Variants in FUCA1 observed in about 807,000 individuals in gnomAD.
FUCA1 encodes the protein alpha-L-fucosidase 1.
In FUCA1, 52 loss-of-function variants were observed where a neutral mutation model predicts 56.8. The observed-to-expected ratio is 0.92, with a 90% CI of 0.73 to 1.15. The LOEUF (loss-of-function observed/expected upper bound fraction) is 1.15, where lower values mean the gene tolerates loss of function less well. Among genes scored for constraint, FUCA1 ranks in the 50% most tolerant of loss-of-function variants. FUCA1 has a pLI of 0.00. For missense variants in FUCA1, 568 were observed against 592.6 expected (o/e 0.96, Z 0.43); for synonymous variants, 230 against 226.6 (o/e 1.02, Z -0.14).
At chr1:23,865,656 A>C in intron 1 of FUCA1, 31 bp from the exon 2 acceptor site, 1 of 1,614,180 alleles carries the variant, frequency 6.2e-7, no homozygotes. Context: ...TGAGCAAAGG[A>C]AGTGGGCAGT....
At chr1:23,865,749 G>C in intron 1 of FUCA1, 124 bp from the exon 2 acceptor site, 2 of 1,071,056 alleles carry the variant, frequency 1.9e-6, no homozygotes, top group Non-Finnish European at 2.9e-6. Flanking sequence ...ACTTGTACCA[G>C]TGACTATATT....
intron 1 of FUCA1, 152 bp from the exon 2 acceptor site, chr1:23,865,777 T>C: frequency 1.1e-6 from 1 of 902,700 alleles, no homozygotes; most frequent in Non-Finnish European, 1.8e-6. Flanking sequence ...TCCAGGAAGC[T>C]GCTGCAGTCA....
intron 5 of FUCA1, among the ~76,000 whole-genome samples, chr1:23,853,282 G>A (rs1464827454): frequency 1.3e-5 from 2 of 151,484 alleles, no homozygotes; most frequent in Admixed American, 6.6e-5. Context: ...CCGCCCGGCA[G>A]CCACCCCGTC....
In FUCA1 at chr1:23,867,148, G is replaced by A. The variant is rs1425776943; in HGVS notation, c.389+750C>T. On this transcript the variant is annotated intron_variant, in intron 1 of 7. Coordinates refer to ENST00000374479, the MANE Select transcript of FUCA1 (RefSeq NM_000147.5). The surrounding 1 kb of genome is among the most constrained non-coding windows in gnomAD (Gnocchi z 4.9). ...GAATGAATCTTTCTAGAAGCTGATA[G>A]TAACCACTCCCTGACTTAACATCTG... is the stretch of plus-strand genomic sequence containing the variant. Among the ~76,000 whole-genome samples the A allele has an allele frequency of 6.6e-6, 1 of 152,142 alleles. No individual in the cohort carries two copies. The highest frequency in any genetic ancestry group is 1.9e-4 in the East Asian group (1 of 5,192).
chr1:23,860,651 T>TG, intron 3 of FUCA1, among the ~76,000 whole-genome samples: 1 of 151,570 alleles, frequency 6.6e-6, no homozygotes, highest in South Asian at 2.1e-4. Context: ...TTCTTCCTTT[T>TG]TTTTTTTGAG....
At position 23,868,252 on chromosome 1, in the gene FUCA1, C is replaced by A. The variant is rs1639667884; in HGVS notation, c.35G>T (p.Gly12Val). The change falls in exon 1 of 8, where the codon GGT becomes GTT. Residue 12 changes from glycine (G) to valine (V), a missense_variant. Gly to Val is a moderately radical substitution (Grantham distance 109). Coordinates refer to ENST00000374479, the MANE Select transcript of FUCA1 (RefSeq NM_000147.5). ...RAPGMRSRPA[G>V]PALLLLLLFL... ...GAGCAGCAGCAGCAACAGCGCGGGA[C>A]CCGCCGGCCGCGACCTCATCCCCGG... 2 of 1,559,286 alleles carry A rather than the reference C, an allele frequency of 1.3e-6. No individual in the cohort carries two copies. The highest frequency in any genetic ancestry group is 1.7e-6 in the Non-Finnish European group (2 of 1,153,626).
chr1:23,846,643 G>A (rs568456300), intron 6 of FUCA1, among the ~76,000 whole-genome samples: 4 of 151,092 alleles, frequency 2.6e-5, no homozygotes, highest in South Asian at 2.1e-4. Context: ...GTGCAGTGGC[G>A]TGATCTTGGC....
chr1:23,849,713 G>C (rs1438185561), intron 5 of FUCA1, among the ~76,000 whole-genome samples: 1 of 150,524 alleles, frequency 6.6e-6, no homozygotes, highest in Admixed American at 6.7e-5. Context: ...CTCCCGAGTA[G>C]CTGGGACTAC....
Position 23,867,704 on chromosome 1 carries a change from C to T in FUCA1, c.389+194G>A. On this transcript the variant is annotated intron_variant, in intron 1 of 7. Coordinates refer to ENST00000374479, the MANE Select transcript of FUCA1 (RefSeq NM_000147.5). The surrounding 1 kb of genome is among the most constrained non-coding windows in gnomAD (Gnocchi z 4.9). Reference sequence around the variant, plus strand: ...GCCATCTCCCTGAACCTTCATTTATCAGTCCCCAGTCAAACGCACCTCCTC... The same window carrying T: ...GCCATCTCCCTGAACCTTCATTTATTAGTCCCCAGTCAAACGCACCTCCTC... The T allele has an allele frequency of 1.2e-5, 12 of 984,874 alleles. No homozygotes were observed. The highest frequency in any genetic ancestry group is 1.3e-5 in the Non-Finnish European group (11 of 829,442). 61.0% of individuals were successfully genotyped at this position (984,874 alleles called of 1,614,324 possible). A position where few individuals can be genotyped will look rare whatever the true frequency, so the allele number is the denominator to read the frequency against.
rs1217825225 is a variant in FUCA1, at chr1:23,859,951, C to T, written c.663-48G>A. 3.8e-6 allele frequency: 5 copies of T among 1,309,128 alleles called. No homozygotes were observed. The East Asian group carries it at 6.9e-5, about 18-fold the overall frequency. The allele number at this position is 1,309,128 out of a possible 1,614,324, so 81.1% of individuals were successfully genotyped here. ...AGAGCTTATTATCTGAACATGTTCA[C>T]AGTAAAATCTTATGGACCATTTTTT... On this transcript the variant is annotated intron_variant, in intron 3 of 7. Transcript: ENST00000374479.
rs142664465 is a variant in FUCA1 at position 23,864,824 on chromosome 1, C to T, written c.524+667G>A. On this transcript the variant is annotated intron_variant, in intron 2 of 7. Transcript: ENST00000374479. Reference sequence around the variant, plus strand: ...GGTTCAAGTGATTCTCCTACCTCAGCCTCCCGAGTTGCTGGGACTACAGGC... The same window carrying T: ...GGTTCAAGTGATTCTCCTACCTCAGTCTCCCGAGTTGCTGGGACTACAGGC... Among the ~76,000 whole-genome samples the T allele has an allele frequency of 2.9e-3, 434 of 152,038 alleles. 6 individuals are homozygous for T. Among genetic ancestry groups the T allele is most frequent in the African/African-American group, 0.01 (423 of 41,490 alleles).
rs1639544941 is a variant in FUCA1, at chr1:23,863,175, G to A, written c.621C>T (p.Val207=). The A allele has an allele frequency of 1.9e-6, 3 of 1,613,852 alleles. No individual in the cohort carries two copies. The highest frequency in any genetic ancestry group is 2.7e-5 in the African/African-American group (2 of 74,904). ...ACAGCTCTGGCATTGTTTTTGCACT[G>A]ACAAAATGCTGTGTTTTGAAGCCAT... ...KKNGFKTQHF[V]SAKTMPELYD... The change falls in exon 3 of 8, where the codon GTC becomes GTT. Residue 207 remains valine, a synonymous_variant. Transcript: ENST00000374479.
intron 3 of FUCA1, among the ~76,000 whole-genome samples, chr1:23,861,568 T>G (rs1639513761): frequency 6.6e-6 from 1 of 152,218 alleles, no homozygotes. Flanking sequence ...TGTGGATAAT[T>G]ACCAAAGTCT....
intron 3 of FUCA1, among the ~76,000 whole-genome samples, chr1:23,861,046 G>A (rs1370182829): frequency 6.7e-6 from 1 of 150,310 alleles, no homozygotes; most frequent in Non-Finnish European, 1.5e-5. Context: ...GCAGCTGGCC[G>A]GGCACAGTGG....
chr1:23,866,818 G>A (rs1292896410), intron 1 of FUCA1, among the ~76,000 whole-genome samples: 1 of 152,176 alleles, frequency 6.6e-6, no homozygotes, highest in Non-Finnish European at 1.5e-5. Context: ...AAAAGGCATG[G>A]AAAGAGGTTA....
At chr1:23,859,697 C>T (rs951791566) in intron 4 of FUCA1, 101 bp downstream of exon 4, 5 of 744,218 alleles carry the variant, frequency 6.7e-6, no homozygotes, top group Non-Finnish European at 1.2e-5. Flanking sequence ...GTTGATATTC[C>T]TGTTTATTAT....
At chr1:23,855,217 A>G (rs1639367674) in intron 4 of FUCA1, among the ~76,000 whole-genome samples, 1 of 152,258 alleles carries the variant, frequency 6.6e-6, no homozygotes, top group African/African-American at 2.4e-5. Context: ...CATATTTTAT[A>G]ACAGAGTGGC....
chr1:23,854,167 A>G (rs998655017), intron 5 of FUCA1, among the ~76,000 whole-genome samples, 193 bp downstream of exon 5: 1 of 152,016 alleles, frequency 6.6e-6, no homozygotes, highest in Non-Finnish European at 1.5e-5. Context: ...GCCCTTTTGC[A>G]TGCCCTTCTC....
chr1:23,861,383 A>C (rs1235873207), intron 3 of FUCA1, among the ~76,000 whole-genome samples: 1 of 151,550 alleles, frequency 6.6e-6, no homozygotes, highest in East Asian at 1.9e-4. Flanking sequence ...ACATGTATAC[A>C]TATGTAATTA....
Sources: allele counts gnomAD v4.1 joint callset (sites outside exome capture counted in the v4.1 genomes callset), GRCh38; gene constraint gnomAD v4.1.1; non-coding constraint Gnocchi (gnomAD v3.1); transcripts MANE v1.5; gene names NCBI Gene and HGNC (gene_info 2026-07-23, HGNC 2026-07-21).